The following SLC18B1 variants were observed in gnomAD, a reference collection of about 807,000 sequenced individuals.
SLC18B1 encodes MFS-type transporter SLC18B1.
SLC18B1 carries 62 observed loss-of-function variants against 53.9 expected under a neutral mutation model. That is an observed-to-expected ratio of 1.15 (90% confidence interval 0.94 to 1.42). The LOEUF (loss-of-function observed/expected upper bound fraction) is 1.42, where lower values mean the gene tolerates loss of function less well. Ranked by LOEUF, SLC18B1 falls within the 40% of genes most tolerant of loss-of-function variation. The pLI is 0.00. For synonymous variants in SLC18B1, 217 were observed against 200.9 expected, an observed-to-expected ratio of 1.08 and a Z score of -0.68; for missense variants, 598 against 547.3, an observed-to-expected ratio of 1.09 and a Z score of -0.93.
At chr6:132,781,558 A>G (rs1241668553) in intron 6 of SLC18B1, among the ~76,000 whole-genome samples, 1 of 152,150 alleles carries the variant, frequency 6.6e-6, no homozygotes, top group East Asian at 1.9e-4. Context: ...GGAGTTCGAG[A>G]CCAGCCTGGC....
intron 8 of SLC18B1, among the ~76,000 whole-genome samples, chr6:132,774,659 A>G (rs1781057060): frequency 6.6e-6 from 1 of 152,174 alleles, no homozygotes; most frequent in African/African-American, 2.4e-5. Context: ...CTATAATCCC[A>G]AAACTTTGAG....
intron 2 of SLC18B1, among the ~76,000 whole-genome samples, chr6:132,796,674 C>T (rs542160124): frequency 3.3e-5 from 5 of 152,048 alleles, no homozygotes; most frequent in African/African-American, 9.6e-5. Flanking sequence ...TTATTCAGTG[C>T]ACTCCTTTGT....
intron 2 of SLC18B1, among the ~76,000 whole-genome samples, chr6:132,790,938 C>T (rs1417682683): frequency 1.3e-5 from 2 of 152,170 alleles, no homozygotes; most frequent in Non-Finnish European, 2.9e-5. Flanking sequence ...TATCAGGGAG[C>T]TCCTAAAATT....
Position 132,790,165 on chromosome 6 carries a change from C to G in SLC18B1, c.279+12G>C, listed in dbSNP as rs954281512. 6.5e-7 allele frequency: 1 copy of G among 1,540,786 alleles called. No individual in the cohort carries two copies. Among genetic ancestry groups the G allele is most frequent in the Admixed American group, 2.0e-5 (1 of 49,376 alleles). ...TTAAAAATTAAGATGTGCATATGAA[C>G]TTTATACTTACATAGTTTCCAAATA... On this transcript the variant is annotated intron_variant, in intron 3 of 13. Transcript: ENST00000275227.
chr6:132,798,043 T>G (rs1781745191), intron 1 of SLC18B1, among the ~76,000 whole-genome samples: 1 of 152,182 alleles, frequency 6.6e-6, no homozygotes, highest in South Asian at 2.1e-4. Flanking sequence ...CTTACGAATC[T>G]TTGTAAAATG....
In SLC18B1 at chr6:132,789,577, C is replaced by G. The variant is rs1049544691; in HGVS notation, c.353+187G>C. On this transcript the variant is annotated intron_variant, in intron 4 of 13. Transcript: ENST00000275227. ...AGCATCACGGAGATCCCCCGGAGGC[C>G]TGTTTCCTTAAAATCAATGCCATTT... 25 of 515,222 alleles carry G rather than the reference C, an allele frequency of 4.9e-5. 1 individual carries two copies. The Admixed American group carries it at 6.8e-4, about 14-fold the overall frequency. 31.9% of individuals were successfully genotyped at this position (515,222 alleles called of 1,614,324 possible). A position where few individuals can be genotyped will look rare whatever the true frequency, so the allele number is the denominator to read the frequency against.
intron 11 of SLC18B1, among the ~76,000 whole-genome samples, 153 bp downstream of exon 11, chr6:132,771,979 C>A (rs1171155974): frequency 6.6e-6 from 1 of 151,840 alleles, no homozygotes; most frequent in African/African-American, 2.4e-5. Context: ...GTAATCTCAG[C>A]TACTCAGGAG....
At chr6:132,789,975 TG>T (rs1423357139) in intron 3 of SLC18B1, 138 bp from the exon 4 acceptor site, 4 of 671,132 alleles carry the variant, frequency 6.0e-6, no homozygotes, top group Non-Finnish European at 1.0e-5. Context: ...TTCTTTAATA[TG>T]GTGACAGTAC....
chr6:132,769,862 C>G lies in SLC18B1; in HGVS notation c.*408G>C, dbSNP rs149290650. ...GCACCTTTATGTATTTAGAGCATAT[C>G]AAATTAATTCATTTCTTTCCCTGTT... On this transcript the variant is annotated 3_prime_UTR_variant, in exon 14 of 14. Coordinates refer to ENST00000275227, the MANE Select transcript of SLC18B1 (RefSeq NM_052831.3). The G allele has an allele frequency of 6.4e-6, 1 of 155,542 alleles. No homozygotes were observed. The highest frequency in any genetic ancestry group is 2.4e-5 in the African/African-American group (1 of 41,612). 9.6% of individuals were successfully genotyped at this position (155,542 alleles called of 1,614,324 possible). A position where few individuals can be genotyped will look rare whatever the true frequency, so the allele number is the denominator to read the frequency against.
intron 6 of SLC18B1, 32 bp downstream of exon 6, chr6:132,783,901 G>A (rs777142371): frequency 4.8e-6 from 7 of 1,451,272 alleles, no homozygotes; most frequent in Non-Finnish European, 6.4e-6. Context: ...TATATTTAAG[G>A]TTCTTAAAAT....
intron 4 of SLC18B1, among the ~76,000 whole-genome samples, chr6:132,787,886 G>A (rs949189329): frequency 9.9e-5 from 15 of 152,156 alleles, no homozygotes; most frequent in Admixed American, 2.0e-4. Flanking sequence ...AATCAGCTGG[G>A]CGCAGTGGCT....
At chr6:132,792,978 GGGTGT>G (rs1781588314) in intron 2 of SLC18B1, among the ~76,000 whole-genome samples, 1 of 152,148 alleles carries the variant, frequency 6.6e-6, no homozygotes, top group African/African-American at 2.4e-5. Flanking sequence ...AAAATTAGCT[GGGTGT>G]GGTGATGCGC....
intron 2 of SLC18B1, 31 bp downstream of exon 2, chr6:132,796,949 AAC>A (rs1484313905): frequency 6.4e-7 from 1 of 1,564,086 alleles, no homozygotes; most frequent in Admixed American, 2.1e-5. Context: ...CAAACAAAAA[AAC>A]AGAGGTCCTA....
intron 5 of SLC18B1, 55 bp downstream of exon 5, chr6:132,787,379 C>A: frequency 1.4e-6 from 2 of 1,453,458 alleles, no homozygotes; most frequent in South Asian, 1.5e-5. Flanking sequence ...CTTGGAAGGG[C>A]AAATATTTTG....
chr6:132,786,321 G>A (rs1483377967), intron 5 of SLC18B1, among the ~76,000 whole-genome samples: 57 of 152,208 alleles, frequency 3.7e-4, no homozygotes, highest in African/African-American at 1.4e-3. Context: ...TGAGGCAGGT[G>A]GATCACGAGG....
rs766150276 is a variant in SLC18B1 at position 132,797,087 on chromosome 6, G to A, written c.78C>T (p.Pro26=). ...AAACCTGTTCTCTCGAAAGCCACCC[G>A]GGGGTCTCTCCTGCACTTCCTGCAG... ...DDPAGSAGET[P]GWLSREQVFV... Residue 26 remains proline (P), a synonymous_variant, in exon 2 of 14, where the codon CCC becomes CCT. Transcript: ENST00000275227. 3.1e-6 allele frequency: 5 copies of A among 1,613,850 alleles called. No individual in the cohort carries two copies. The highest frequency in any genetic ancestry group is 1.7e-5 in the Admixed American group (1 of 59,976).
chr6:132,777,839 A>G (rs532363244), intron 7 of SLC18B1, among the ~76,000 whole-genome samples: 279 of 152,366 alleles, frequency 1.8e-3, no homozygotes, highest in Admixed American at 2.8e-3. Flanking sequence ...TCAAAAATAC[A>G]GGTTGTTGAT....
At chr6:132,797,328 G>C (rs1341211336) in intron 1 of SLC18B1, among the ~76,000 whole-genome samples, 1 of 152,208 alleles carries the variant, frequency 6.6e-6, no homozygotes, top group Non-Finnish European at 1.5e-5. Flanking sequence ...GGCTGGGCAC[G>C]GTGGCTCACG....
At chr6:132,780,615 G>T (rs1781213433) in intron 6 of SLC18B1, among the ~76,000 whole-genome samples, 1 of 121,490 alleles carries the variant, frequency 8.2e-6, no homozygotes, top group South Asian at 2.7e-4. Flanking sequence ...TTTTTGGAGT[G>T]CAGTGGTGCG....
Sources: gnomAD v4.1 joint callset for allele counts (sites outside exome capture counted in the v4.1 genomes callset) on GRCh38, gnomAD v4.1.1 for gene constraint, MANE v1.5 for transcripts, NCBI Gene and HGNC (gene_info 2026-07-23, HGNC 2026-07-21) for gene names.